The following ACSM2A variants were observed in gnomAD, a reference collection of about 807,000 sequenced individuals.
ACSM2A encodes the protein acyl-coenzyme A synthetase ACSM2A, mitochondrial.
Under a neutral mutation model 76.6 loss-of-function variants are expected in ACSM2A, and 72 were observed. The observed-to-expected ratio is 0.94, with a 90% confidence interval of 0.78 to 1.14. The LOEUF is 1.14. Ranked by LOEUF, ACSM2A falls within the 50% of genes most tolerant of loss-of-function variation. The pLI is 0.00. For missense variants in ACSM2A, 684 were observed against 708.5 expected, an observed-to-expected ratio of 0.97 and a Z score of 0.39; for synonymous variants, 249 against 255.9, an observed-to-expected ratio of 0.97 and a Z score of 0.26.
intron 2 of ACSM2A, among the ~76,000 whole-genome samples, chr16:20,463,331 AGT>A (rs976005882): frequency 6.6e-6 from 1 of 151,570 alleles, no homozygotes; most frequent in Non-Finnish European, 1.5e-5. Flanking sequence ...GCAGGAGCAA[AGT>A]GACATAGTTT....
At chr16:20,466,108 T>C (rs2012979881) in intron 3 of ACSM2A, among the ~76,000 whole-genome samples, 2 of 151,630 alleles carry the variant, frequency 1.3e-5, no homozygotes, top group African/African-American at 4.8e-5. Context: ...AGCTTGTTTT[T>C]GTAAATAAAG....
chr16:20,462,471 C>T (rs1425440030), intron 2 of ACSM2A, among the ~76,000 whole-genome samples: 8 of 152,300 alleles, frequency 5.3e-5, no homozygotes, highest in South Asian at 2.1e-4. Context: ...AAATACAAAT[C>T]TTTAACAACT....
rs765828342 is a variant in ACSM2A, at chr16:20,475,708, A to T, written c.1033A>T (p.Thr345Ser). Residue 345 changes from threonine to serine, a missense_variant, in exon 8 of 14, where the codon ACT becomes TCT. This residue lies in a region of ACSM2A where 519 missense variants were observed against 549.5 expected (regional missense o/e 0.94). Transcript: ENST00000573854. ...VTVGESLLPETLENWRAQTGL... is the reference protein window; with the variant it reads ...VTVGESLLPESLENWRAQTGL... ...TGTAGGGGAGTCCCTTCTTCCAGAA[A>T]CTCTGGAGAACTGGAGGGCCCAGAC... is the stretch of plus-strand genomic sequence containing the variant. The T allele has an allele frequency of 1.9e-6, 3 of 1,613,982 alleles. No individual in the cohort carries two copies. Among genetic ancestry groups the T allele is most frequent in the Non-Finnish European group, 8.5e-7 (1 of 1,179,922 alleles).
At chr16:20,471,782 T>C in intron 6 of ACSM2A, 93 bp downstream of exon 6, 3 of 1,541,282 alleles carry the variant, frequency 1.9e-6, no homozygotes, top group Non-Finnish European at 1.8e-6. Flanking sequence ...TCATCTAATT[T>C]TTGCTAAACC....
At chr16:20,471,429 A>T (rs2271061) in intron 5 of ACSM2A, 107 bp from the exon 6 acceptor site, 1 of 1,505,202 alleles carries the variant, frequency 6.6e-7, no homozygotes, top group Non-Finnish European at 8.9e-7. Context: ...GCAGATACAC[A>T]CACACCTCTG....
At chr16:20,468,599 A>G (rs2013160886) in intron 3 of ACSM2A, among the ~76,000 whole-genome samples, 1 of 152,106 alleles carries the variant, frequency 6.6e-6, no homozygotes, top group African/African-American at 2.4e-5. Context: ...ACCTCTAATA[A>G]TCCACCCTCC....
intron 1 of ACSM2A, among the ~76,000 whole-genome samples, chr16:20,459,268 G>C (rs1041619993): frequency 6.6e-6 from 1 of 151,996 alleles, no homozygotes; most frequent in African/African-American, 2.4e-5. Flanking sequence ...CACCAATAAA[G>C]AACTTATATA....
chr16:20,459,354 G>A (rs748410927), intron 1 of ACSM2A, among the ~76,000 whole-genome samples: 2 of 152,170 alleles, frequency 1.3e-5, no homozygotes, highest in African/African-American at 4.8e-5. Context: ...TAGGACCTGG[G>A]ATTTAGGATT....
At chr16:20,452,439 A>G (rs2141672333) in intron 1 of ACSM2A, 1 of 134,570 alleles carries the variant, frequency 7.4e-6, no homozygotes, top group Non-Finnish European at 1.5e-5. Context: ...CAGCCTGCAG[A>G]TGGCCTATTG....
intron 4 of ACSM2A, among the ~76,000 whole-genome samples, chr16:20,470,227 G>A (rs2013299068): frequency 6.6e-6 from 1 of 152,146 alleles, no homozygotes; most frequent in African/African-American, 2.4e-5. Flanking sequence ...CTGGAACTAT[G>A]ACTCAAATCA....
rs757005802 is a variant in ACSM2A at position 20,471,167 on chromosome 16, G to A, written c.691G>A (p.Ala231Thr). 1.2e-6 allele frequency: 2 copies of A among 1,612,742 alleles called. No homozygotes were observed. Among genetic ancestry groups the A allele is most frequent in the Non-Finnish European group, 1.7e-6 (2 of 1,179,004 alleles). ...TGGGACCAGTGGTCTTCCCAAGATGGCAGAACATTCCTACTCGAGCCTGGG... is the reference window on the plus strand; with the variant it reads ...TGGGACCAGTGGTCTTCCCAAGATGACAGAACATTCCTACTCGAGCCTGGG... ...TSGTSGLPKM[A>T]EHSYSSLGLK... is the part of the protein sequence containing the mutation. Residue 231 changes from alanine (A) to threonine (T), a missense_variant, in exon 5 of 14, where the codon GCA becomes ACA. By Grantham distance (58) the Ala-to-Thr change is moderately conservative (BLOSUM62 0). Around this residue, in one of 3 missense-constraint regions of ACSM2A, gnomAD observed 519 missense variants for 549.5 expected, o/e 0.94. Transcript: ENST00000573854.
At chr16:20,485,615 A>G (rs550464035) in intron 13 of ACSM2A, among the ~76,000 whole-genome samples, 46 of 152,342 alleles carry the variant, frequency 3.0e-4, no homozygotes, top group African/African-American at 8.4e-4. Flanking sequence ...CTTTATTGAT[A>G]AAAACAGGAA....
Position 20,487,215 on chromosome 16 carries a change from G to T in ACSM2A, c.*537G>T, listed in dbSNP as rs1213936885. ...AAAAATAGTAAAAGAAACTGATAAA[G>T]AAAAGTAATGGAAGACAGGAAGAAA... On this transcript the variant is annotated 3_prime_UTR_variant, in exon 14 of 14. Transcript: ENST00000573854. 1 of 152,056 alleles carries T rather than the reference G, an allele frequency of 6.6e-6. No individual in the cohort carries two copies. Among genetic ancestry groups the T allele is most frequent in the Admixed American group, 6.5e-5 (1 of 15,270 alleles). 9.4% of individuals were successfully genotyped at this position (152,056 alleles called of 1,614,324 possible). A position where few individuals can be genotyped will look rare whatever the true frequency, so the allele number is the denominator to read the frequency against.
chr16:20,465,511 C>T lies in ACSM2A; in HGVS notation c.178-6C>T. 2 of 1,613,538 alleles carry T rather than the reference C, an allele frequency of 1.2e-6. No homozygotes were observed. Among genetic ancestry groups the T allele is most frequent in the South Asian group, 1.1e-5 (1 of 91,042 alleles). Reference sequence around the variant, plus strand: ...CCCCTGATCAACAGGGCTTCTCTTTCCTCAGGCTGGCAAGCGACTCCCAAG... The same window carrying T: ...CCCCTGATCAACAGGGCTTCTCTTTTCTCAGGCTGGCAAGCGACTCCCAAG... On this transcript the variant is annotated splice_region_variant and splice_polypyrimidine_tract_variant and intron_variant, in intron 2 of 13. Coordinates refer to ENST00000573854, the MANE Select transcript of ACSM2A (RefSeq NM_001308172.2).
chr16:20,463,449 A>G (rs1236305068), intron 2 of ACSM2A, among the ~76,000 whole-genome samples: 1 of 151,518 alleles, frequency 6.6e-6, no homozygotes, highest in African/African-American at 2.4e-5. Context: ...CACACGAATG[A>G]CTTAGCACCA....
chr16:20,464,992 A>G (rs2012889518), intron 2 of ACSM2A, among the ~76,000 whole-genome samples: 1 of 151,568 alleles, frequency 6.6e-6, no homozygotes, highest in Admixed American at 6.6e-5. Context: ...AGATACATAT[A>G]TAAATAAATC....
At chr16:20,475,197 A>C (rs193121747) in intron 6 of ACSM2A, among the ~76,000 whole-genome samples, 165 bp from the exon 7 acceptor site, 1 of 152,360 alleles carries the variant, frequency 6.6e-6, no homozygotes, top group Admixed American at 6.5e-5. Context: ...TTCAGGGTGC[A>C]TGAGAGTTGT....
At chr16:20,458,469 A>T (rs1365157085) in intron 1 of ACSM2A, among the ~76,000 whole-genome samples, 3 of 145,764 alleles carry the variant, frequency 2.1e-5, no homozygotes, top group African/African-American at 7.5e-5. Flanking sequence ...ATATATGGAT[A>T]TAGTATATGT....
At position 20,465,686 on chromosome 16, in the gene ACSM2A, T is replaced by A; in HGVS notation, c.347T>A (p.Val116Glu). Residue 116 changes from valine to glutamate, a missense_variant, in exon 3 of 14, where the codon GTG (valine) becomes GAG (glutamate). Transcript: ENST00000573854. ...CGTGTGGCAGTGGTGCTGCCCCGAG[T>A]GCCTGAGTGGTGGCTGGTGATCCTG... is the stretch of plus-strand genomic sequence containing the variant. ...GDRVAVVLPR[V>E]PEWWLVILGC... is the part of the protein sequence containing the mutation. 8 of 1,613,878 alleles carry A rather than the reference T, an allele frequency of 5.0e-6. No individual in the cohort carries two copies. Among genetic ancestry groups the A allele is most frequent in the Non-Finnish European group, 6.8e-6 (8 of 1,179,812 alleles).
Sources: gnomAD v4.1 joint callset for allele counts (sites outside exome capture counted in the v4.1 genomes callset) on GRCh38, gnomAD v4.1.1 for gene constraint, gnomAD v4.1.1 regional missense constraint, MANE v1.5 for transcripts, NCBI Gene and HGNC (gene_info 2026-07-23, HGNC 2026-07-21) for gene names.